GET1: variants seen among roughly 807,000 people sequenced by gnomAD.
GET1 encodes guided entry of tail-anchored proteins factor 1, also known as congenital heart disease 5 protein.
A neutral mutation model predicts 22.6 loss-of-function variants in GET1; 20 were observed. The observed-to-expected ratio is 0.89, with a 90% CI of 0.62 to 1.29. The LOEUF (loss-of-function observed/expected upper bound fraction) is 1.29, where lower values mean the gene tolerates loss of function less well. Ranked by LOEUF, GET1 falls within the 50% of genes most tolerant of loss-of-function variation. GET1 has a pLI of 0.00. For synonymous variants in GET1, 92 were observed against 83.8 expected (o/e 1.10, Z -0.53); for missense variants, 209 against 219.9 (o/e 0.95, Z 0.31).
At chr21:39,420,684 C>T (rs1601814729) in intron 1 of GET1, 3 of 1,592,876 alleles carry the variant, frequency 1.9e-6, no homozygotes, top group East Asian at 4.5e-5. Context: ...TTCATTCTTA[C>T]ATTTTGTTTT....
In GET1 at chr21:39,396,853, T is replaced by C; in HGVS notation, c.452-13T>C. ...CTGGTATGCGCTCTCATGGTGAATG[T>C]CTTTGTTTTCAGGTGGTGTTGGAAT... On this transcript the variant is annotated splice_polypyrimidine_tract_variant and intron_variant, in intron 4 of 4. Coordinates refer to ENST00000649170, the MANE Select transcript of GET1 (RefSeq NM_004627.6). 1.2e-6 allele frequency: 2 copies of C among 1,613,872 alleles called. No individual in the cohort carries two copies. Among genetic ancestry groups the C allele is most frequent in the Non-Finnish European group, 1.7e-6 (2 of 1,179,900 alleles).
intron 1 of GET1, chr21:39,411,793 G>T: frequency 1.3e-6 from 2 of 1,580,644 alleles, no homozygotes; most frequent in South Asian, 1.2e-5. Flanking sequence ...TCAAGCTCAC[G>T]ATCCTTTTCC....
intron 1 of GET1, among the ~76,000 whole-genome samples, chr21:39,381,559 C>T (rs529622489): frequency 3.0e-4 from 45 of 152,286 alleles, no homozygotes; most frequent in African/African-American, 1.1e-3. Flanking sequence ...AGAATCTTTC[C>T]TGATGCTATC....
downstream of GET1, chr21:39,407,987 C>T (rs1194809870): frequency 6.6e-6 from 1 of 152,172 alleles, no homozygotes; most frequent in Non-Finnish European, 1.5e-5. Context: ...GGCCCTTGGG[C>T]CTCTACTGAA....
chr21:39,426,590 C>A (rs2074749122), intron 1 of GET1, among the ~76,000 whole-genome samples: 1 of 152,180 alleles, frequency 6.6e-6, no homozygotes, highest in South Asian at 2.1e-4. Flanking sequence ...TATATTTTTG[C>A]AGTGAAATTA....
At chr21:39,425,020 G>T (rs2074412226) in intron 1 of GET1, among the ~76,000 whole-genome samples, 1 of 152,208 alleles carries the variant, frequency 6.6e-6, no homozygotes, top group African/African-American at 2.4e-5. Context: ...TGCCCCACAG[G>T]TGTGTGCATT....
chr21:39,405,997 G>A (rs1486568095), exon 5 of GET1: 3 of 1,614,062 alleles, frequency 1.9e-6, no homozygotes, highest in Non-Finnish European at 2.5e-6. Context: ...GGGAGGCAGG[G>A]GATGCGACTC....
intron 4 of GET1, among the ~76,000 whole-genome samples, chr21:39,395,354 C>T (rs188167194): frequency 7.1e-6 from 1 of 141,028 alleles, no homozygotes; most frequent in African/African-American, 2.6e-5. Flanking sequence ...AATACTGTAT[C>T]AAAAGGAATG....
intron 1 of GET1, 187 bp downstream of exon 1, chr21:39,380,673 CT>C: frequency 1.4e-6 from 2 of 1,412,836 alleles, no homozygotes; most frequent in Non-Finnish European, 1.8e-6. Context: ...CAAAATCAGA[CT>C]TTCTGGGTTC....
chr21:39,392,162 G>GT (rs1345883327), intron 3 of GET1: 1 of 252,766 alleles, frequency 4.0e-6, no homozygotes, highest in Non-Finnish European at 7.5e-6. Flanking sequence ...GATGACATCA[G>GT]TTTTTTCTGA....
rs1254636692 is a variant in GET1 at position 39,396,939 on chromosome 21, A to G, written c.525A>G (p.Ter175TrpextTer10). 1.2e-6 allele frequency: 2 copies of G among 1,613,966 alleles called. No homozygotes were observed. Among genetic ancestry groups the G allele is most frequent in the African/African-American group, 2.7e-5 (2 of 74,904 alleles). The stretch of plus-strand genomic sequence containing the variant: ...CTATTGTGCTTCATCCGTTCAGCTG[A>G]ACAGGAGGATGGATACAGCCGCGAG... ...VVAIVLHPFS* is the reference protein window; with the variant it reads ...VVAIVLHPFSW Residue 175 changes from the stop codon to tryptophan (W), a stop_lost, in exon 5 of 5, where the codon TGA (stop) becomes TGG (tryptophan). Transcript: ENST00000649170.
chr21:39,384,336 A>C (rs1304010199), intron 1 of GET1, among the ~76,000 whole-genome samples: 1 of 151,856 alleles, frequency 6.6e-6, no homozygotes, highest in East Asian at 1.9e-4. Context: ...GGCTCACTGC[A>C]ACCTCTGCCT....
intron 1 of GET1, among the ~76,000 whole-genome samples, chr21:39,426,575 G>GA (rs2074746112): frequency 6.6e-6 from 1 of 152,160 alleles, no homozygotes; most frequent in Admixed American, 6.5e-5. Flanking sequence ...ACCCTTTAAT[G>GA]AAACTATATT....
At chr21:39,419,511 C>T (rs2041896314) in intron 1 of GET1, among the ~76,000 whole-genome samples, 1 of 114,162 alleles carries the variant, frequency 8.8e-6, no homozygotes, top group Non-Finnish European at 1.7e-5. Flanking sequence ...GGCAACAGAG[C>T]AAGACCCTGT....
chr21:39,402,772 G>C (rs1414370891), downstream of GET1, among the ~76,000 whole-genome samples: 1 of 152,120 alleles, frequency 6.6e-6, no homozygotes, highest in African/African-American at 2.4e-5. Flanking sequence ...TGATCGTAAA[G>C]TTATGTTCAT....
At chr21:39,398,683 G>A (rs562362680), downstream of GET1, among the ~76,000 whole-genome samples, 122 of 146,704 alleles carry the variant, frequency 8.3e-4, no homozygotes, top group African/African-American at 2.7e-3. Flanking sequence ...GTGTGATCTC[G>A]GCTCACTGCA....
At chr21:39,414,791 T>G (rs2040847292) in intron 1 of GET1, among the ~76,000 whole-genome samples, 1 of 151,310 alleles carries the variant, frequency 6.6e-6, no homozygotes, top group Non-Finnish European at 1.5e-5. Flanking sequence ...TGTGCATATT[T>G]TACTTTGTGA....
chr21:39,391,865 A>T (rs747807102), intron 3 of GET1, 29 bp downstream of exon 3: 39 of 1,613,162 alleles, frequency 2.4e-5, no homozygotes, highest in Non-Finnish European at 3.2e-5. Context: ...CAGCCGGGTC[A>T]TTGGAGTTGG....
downstream of GET1, chr21:39,406,693 C>G (rs199499915): frequency 4.8e-6 from 5 of 1,044,792 alleles, no homozygotes; most frequent in East Asian, 7.2e-5. Flanking sequence ...AGTACACTTA[C>G]GTGCACCGCC....
Sources: gnomAD v4.1 joint callset for allele counts (sites outside exome capture counted in the v4.1 genomes callset) on GRCh38, gnomAD v4.1.1 for gene constraint, MANE v1.5 for transcripts, NCBI Gene and HGNC (gene_info 2026-07-23, HGNC 2026-07-21) for gene names.